Variants in GLIS3 observed in about 807,000 individuals in gnomAD.
GLIS3 encodes zinc finger protein GLIS3.
GLIS3 carries 53 observed loss-of-function variants against 78.6 expected under a neutral mutation model. That is an observed-to-expected ratio of 0.67 (90% CI 0.54 to 0.85). The LOEUF is 0.85. Among genes scored for constraint, GLIS3 ranks in the 40% least tolerant of loss-of-function variants. GLIS3 has a pLI of 0.00. For synonymous variants in GLIS3, 684 were observed against 509.9 expected, an observed-to-expected ratio of 1.34 and a Z score of -4.60; for missense variants, 1,703 against 1,231.1, an observed-to-expected ratio of 1.38 and a Z score of -5.74.
At chr9:4,015,952 T>C (rs1822400395) in intron 4 of GLIS3, among the ~76,000 whole-genome samples, 1 of 148,998 alleles carries the variant, frequency 6.7e-6, no homozygotes, top group Admixed American at 6.7e-5. Context: ...AACCTGGCCG[T>C]CATAAATAGG....
chr9:4,397,679 AG>A, the GLIS3 span, among the ~76,000 whole-genome samples: 61 of 3,050 alleles, frequency 0.02, no homozygotes, highest in East Asian at 0.11. Context: ...GGAGGGAGGA[AG>A]GGAGGGAGGG....
chr9:4,304,654 A>C (rs1192236709), upstream of GLIS3, among the ~76,000 whole-genome samples: 1 of 152,200 alleles, frequency 6.6e-6, no homozygotes, highest in Non-Finnish European at 1.5e-5. Flanking sequence ...GGAAATGAAG[A>C]AGGCAGCGCA....
rs1820105377 is a variant in GLIS3, at chr9:3,860,272, C to CCAAA, written c.2298-4089_2298-4088insTTTG. Among the ~76,000 whole-genome samples, 4 of 53,604 alleles carry CCAAA rather than the reference C, an allele frequency of 7.5e-5. No individual in the cohort carries two copies. In the Admixed American group the frequency reaches 8.8e-4, roughly 12 times the overall value. The allele number at this position is 53,604 out of a possible 152,430, so 35.2% of individuals were successfully genotyped here. On this transcript the variant is annotated intron_variant, in intron 8 of 10. Coordinates refer to ENST00000381971, the MANE Select transcript of GLIS3 (RefSeq NM_001042413.2). ...CCTGGGTGACAGAGCAAGACTCTGT[C>CCAAA]AAAAAAAAAAAAAAAAAAAAAAAAA...
chr9:4,290,431 T>C (rs1828354794), intron 1 of GLIS3, among the ~76,000 whole-genome samples: 1 of 152,164 alleles, frequency 6.6e-6, no homozygotes, highest in Non-Finnish European at 1.5e-5. Context: ...CTGTATAATT[T>C]CATTAATGCC....
chr9:4,114,902 C>T (rs1831516146), intron 4 of GLIS3, among the ~76,000 whole-genome samples: 2 of 152,208 alleles, frequency 1.3e-5, no homozygotes, highest in South Asian at 4.1e-4. Flanking sequence ...AATAAATTCA[C>T]AGCCCTCCCC....
chr9:3,895,178 C>A (rs560122533), intron 7 of GLIS3, among the ~76,000 whole-genome samples: 1 of 152,220 alleles, frequency 6.6e-6, no homozygotes, highest in Non-Finnish European at 1.5e-5. Flanking sequence ...CACAGGTGTT[C>A]ACCAGAAGAT....
chr9:4,348,564 T>C (rs931890807), upstream of GLIS3, among the ~76,000 whole-genome samples: 2 of 152,242 alleles, frequency 1.3e-5, no homozygotes, highest in Non-Finnish European at 2.9e-5. Context: ...GGCTGGGAGA[T>C]GTGACCTTTA....
At chr9:4,388,199 C>A in the GLIS3 span, among the ~76,000 whole-genome samples, 1 of 152,168 alleles carries the variant, frequency 6.6e-6, no homozygotes. Flanking sequence ...ACATAACAGA[C>A]CCCTTTTCCA....
chr9:4,161,473 G>T (rs185680621), intron 2 of GLIS3, among the ~76,000 whole-genome samples: 1 of 152,030 alleles, frequency 6.6e-6, no homozygotes, highest in Admixed American at 6.6e-5. Context: ...ACACCCCTTC[G>T]TGGATGCATT....
chr9:3,971,025 T>A (rs1818336731), intron 4 of GLIS3, among the ~76,000 whole-genome samples: 2 of 143,824 alleles, frequency 1.4e-5, no homozygotes, highest in African/African-American at 5.2e-5. Flanking sequence ...GAAGGGAGGA[T>A]CGATCAAAGG....
chr9:4,396,520 ATTACT>A, the GLIS3 span, among the ~76,000 whole-genome samples: 3 of 152,148 alleles, frequency 2.0e-5, no homozygotes, highest in African/African-American at 7.2e-5. Context: ...CTCTGGACTG[ATTACT>A]TTGATTTCTT....
At chr9:4,174,490 T>C (rs1005188723) in intron 2 of GLIS3, among the ~76,000 whole-genome samples, 2 of 152,226 alleles carry the variant, frequency 1.3e-5, no homozygotes, top group Non-Finnish European at 2.9e-5. Flanking sequence ...CCACATTCCG[T>C]TCTAAAATGA....
the GLIS3 span, among the ~76,000 whole-genome samples, chr9:4,489,523 G>T: frequency 1.3e-5 from 2 of 152,190 alleles, no homozygotes; most frequent in African/African-American, 2.4e-5. Flanking sequence ...ATTTGGTAAA[G>T]GGAGGGAAAG....
intron 2 of GLIS3, among the ~76,000 whole-genome samples, chr9:4,321,148 C>A (rs372548920): frequency 1.6e-4 from 24 of 151,432 alleles, no homozygotes; most frequent in Non-Finnish European, 2.8e-4. Flanking sequence ...AGGCCGGGCG[C>A]GGTGGCTCAC....
chr9:4,333,199 C>T (rs1029828209), intron 2 of GLIS3, among the ~76,000 whole-genome samples: 1 of 125,992 alleles, frequency 7.9e-6, no homozygotes, highest in Non-Finnish European at 1.6e-5. Flanking sequence ...CTGGGCAACA[C>T]AGTGAGACAA....
chr9:4,059,992 C>T (rs1826511535), intron 4 of GLIS3, among the ~76,000 whole-genome samples: 1 of 152,072 alleles, frequency 6.6e-6, no homozygotes, highest in Admixed American at 6.6e-5. Context: ...GAATCAGAAC[C>T]TTACCCCTAC....
chr9:3,909,891 T>C (rs545380820), intron 6 of GLIS3, among the ~76,000 whole-genome samples: 1 of 152,320 alleles, frequency 6.6e-6, no homozygotes, highest in East Asian at 1.9e-4. Context: ...CTAATGAGCA[T>C]TTGAAGTGTG....
intron 4 of GLIS3, among the ~76,000 whole-genome samples, chr9:4,090,113 T>A (rs1470965568): frequency 6.6e-6 from 1 of 152,090 alleles, no homozygotes; most frequent in Non-Finnish European, 1.5e-5. Flanking sequence ...AAAGCACTTG[T>A]CCCAGAAGTG....
chr9:4,099,016 G>A, intron 4 of GLIS3, among the ~76,000 whole-genome samples: 1 of 152,156 alleles, frequency 6.6e-6, no homozygotes, highest in East Asian at 1.9e-4. Flanking sequence ...AGACACATCT[G>A]GTTGACCCTT....
Sources: allele counts gnomAD v4.1 joint callset (sites outside exome capture counted in the v4.1 genomes callset), GRCh38; gene constraint gnomAD v4.1.1; transcripts MANE v1.5; gene names NCBI Gene and HGNC (gene_info 2026-07-23, HGNC 2026-07-21).